NRG3: variants seen among roughly 807,000 people sequenced by gnomAD.
NRG3 encodes pro-neuregulin-3, membrane-bound isoform.
A neutral mutation model predicts 66.9 loss-of-function variants in NRG3; 31 were observed. The ratio of observed to expected loss-of-function variants is 0.46; its 90% CI spans 0.35 to 0.63. NRG3 has a LOEUF of 0.63. Among genes scored for constraint, NRG3 ranks in the 20% least tolerant of loss-of-function variants. The pLI, the probability that NRG3 is intolerant of heterozygous loss-of-function variation, is 0.00. For synonymous variants in NRG3, 393 were observed against 359.4 expected, an observed-to-expected ratio of 1.09 and a Z score of -1.06; for missense variants, 910 against 878.9, an observed-to-expected ratio of 1.04 and a Z score of -0.45.
chr10:82,809,363 A>C (rs2061407333), intron 3 of NRG3, among the ~76,000 whole-genome samples: 1 of 151,748 alleles, frequency 6.6e-6, no homozygotes, highest in South Asian at 2.1e-4. Flanking sequence ...TATATCATTT[A>C]TACAAAAAAT....
intron 2 of NRG3, among the ~76,000 whole-genome samples, chr10:82,602,241 T>C (rs1452631118): frequency 1.3e-5 from 2 of 152,146 alleles, no homozygotes; most frequent in Admixed American, 1.3e-4. Flanking sequence ...TCTGGCCTAC[T>C]GGGTTTGCAA....
intron 2 of NRG3, among the ~76,000 whole-genome samples, chr10:82,670,587 CCTAGCTTACCTGT>C (rs2053191275): frequency 6.6e-6 from 1 of 151,960 alleles, no homozygotes; most frequent in Non-Finnish European, 1.5e-5. Flanking sequence ...ATCTTCCTTC[CCTAGCTTACCTGT>C]CTAGCAATAG....
At position 82,059,395 on chromosome 10, in the gene NRG3, G is replaced by A. The variant is rs78132407; in HGVS notation, c.823+183232G>A. Among the ~76,000 whole-genome samples, 566 of 152,266 alleles carry A rather than the reference G, an allele frequency of 3.7e-3. 5 individuals carry two copies. Among genetic ancestry groups the A allele is most frequent in the African/African-American group, 0.013 (545 of 41,546 alleles). On this transcript the variant is annotated intron_variant, in intron 1 of 8. Transcript: ENST00000372141. ...ATTTCAGGGTGAATGGCCAGATTAG[G>A]TAATGACTAAGATAGCAAGGATGGG...
chr10:82,315,947 C>T (rs981310510), intron 1 of NRG3, among the ~76,000 whole-genome samples: 1 of 151,908 alleles, frequency 6.6e-6, no homozygotes, highest in Admixed American at 6.6e-5. Context: ...GCGCCCGGCC[C>T]ATATATGTGA....
chr10:82,524,360 C>T (rs1028708647), intron 2 of NRG3, among the ~76,000 whole-genome samples: 2 of 151,908 alleles, frequency 1.3e-5, no homozygotes, highest in Non-Finnish European at 2.9e-5. Flanking sequence ...ATATGAGATA[C>T]ATAGTAGGTG....
chr10:82,421,131 C>T (rs892882693), intron 2 of NRG3, among the ~76,000 whole-genome samples: 1 of 152,040 alleles, frequency 6.6e-6, no homozygotes, highest in Non-Finnish European at 1.5e-5. Context: ...ATATTACTGA[C>T]TGTTAAATAA....
chr10:82,968,780 C>T (rs1002474246), intron 6 of NRG3, among the ~76,000 whole-genome samples: 2 of 152,062 alleles, frequency 1.3e-5, no homozygotes, highest in Non-Finnish European at 2.9e-5. Flanking sequence ...CCTGGCAGCC[C>T]GTATTAGTCC....
At chr10:82,306,183 T>C (rs998875494) in intron 1 of NRG3, among the ~76,000 whole-genome samples, 2 of 152,240 alleles carry the variant, frequency 1.3e-5, no homozygotes, top group African/African-American at 4.8e-5. Context: ...GGATTATTTG[T>C]ATTAACACTT....
chr10:82,606,819 G>A (rs2047995196), intron 2 of NRG3, among the ~76,000 whole-genome samples: 1 of 152,144 alleles, frequency 6.6e-6, no homozygotes, highest in Non-Finnish European at 1.5e-5. Flanking sequence ...CTGAATTTCA[G>A]CAGAACAGCA....
chr10:82,432,015 G>A (rs2089841086), intron 2 of NRG3, among the ~76,000 whole-genome samples: 1 of 152,066 alleles, frequency 6.6e-6, no homozygotes, highest in South Asian at 2.1e-4. Flanking sequence ...CAGGTTTATA[G>A]CATATTTTTT....
chr10:82,413,098 T>C (rs1031049785), intron 2 of NRG3, among the ~76,000 whole-genome samples: 1 of 152,210 alleles, frequency 6.6e-6, no homozygotes, highest in Non-Finnish European at 1.5e-5. Context: ...ATAGTCTTAA[T>C]GGCATCTAAA....
At chr10:81,906,491 C>A (rs950845964) in intron 1 of NRG3, among the ~76,000 whole-genome samples, 1 of 152,100 alleles carries the variant, frequency 6.6e-6, no homozygotes, top group Non-Finnish European at 1.5e-5. Flanking sequence ...ATCTGCAGGG[C>A]ATGTAGGTGA....
intron 2 of NRG3, among the ~76,000 whole-genome samples, chr10:82,524,104 T>A (rs1220665654): frequency 2.0e-5 from 3 of 152,204 alleles, no homozygotes; most frequent in Admixed American, 6.5e-5. Flanking sequence ...CACACTCTTT[T>A]CTCGTAAGAA....
intron 3 of NRG3, among the ~76,000 whole-genome samples, chr10:82,863,030 G>A (rs945732013): frequency 1.3e-5 from 2 of 151,906 alleles, no homozygotes; most frequent in African/African-American, 4.8e-5. Context: ...CCCCCAACAG[G>A]CCCCAGTGTG....
intron 1 of NRG3, among the ~76,000 whole-genome samples, chr10:82,305,346 G>A (rs2134858958): frequency 6.6e-6 from 1 of 152,114 alleles, no homozygotes; most frequent in African/African-American, 2.4e-5. Context: ...ATATCTGATA[G>A]GACCAGCTCT....
intron 3 of NRG3, among the ~76,000 whole-genome samples, chr10:82,751,084 T>C (rs758049397): frequency 6.6e-6 from 1 of 152,158 alleles, no homozygotes; most frequent in Non-Finnish European, 1.5e-5. Flanking sequence ...TTGTTTGATA[T>C]GTGGATAAAT....
At chr10:82,958,054 T>G (rs1272695125) in intron 5 of NRG3, among the ~76,000 whole-genome samples, 1 of 152,148 alleles carries the variant, frequency 6.6e-6, no homozygotes, top group Non-Finnish European at 1.5e-5. Context: ...CAGACAACAG[T>G]CATTCCGCAT....
chr10:82,278,093 A>G (rs1419804037), intron 1 of NRG3, among the ~76,000 whole-genome samples: 4 of 152,142 alleles, frequency 2.6e-5, no homozygotes, highest in African/African-American at 9.6e-5. Flanking sequence ...GAATAGGACA[A>G]AAATTGATGA....
At chr10:82,150,718 A>C (rs2070680126) in intron 1 of NRG3, among the ~76,000 whole-genome samples, 1 of 152,014 alleles carries the variant, frequency 6.6e-6, no homozygotes, top group Non-Finnish European at 1.5e-5. Flanking sequence ...CAAGCAGTAA[A>C]ATATCCGTCT....
Sources: allele counts gnomAD v4.1 joint callset (sites outside exome capture counted in the v4.1 genomes callset), GRCh38; gene constraint gnomAD v4.1.1; transcripts MANE v1.5; gene names NCBI Gene and HGNC (gene_info 2026-07-23, HGNC 2026-07-21).